The following CARMIL3 variants were observed in gnomAD, a reference collection of about 807,000 sequenced individuals.
The protein encoded by CARMIL3 is capping protein, Arp2/3 and myosin-I linker protein 3.
Under a neutral mutation model 180.8 loss-of-function variants are expected in CARMIL3, and 88 were observed. The ratio of observed to expected loss-of-function variants is 0.49; its 90% CI spans 0.41 to 0.58. The LOEUF (loss-of-function observed/expected upper bound fraction) is 0.58, where lower values mean the gene tolerates loss of function less well. Among genes scored for constraint, CARMIL3 ranks in the 20% least tolerant of loss-of-function variants. CARMIL3 has a pLI of 0.00. For missense variants in CARMIL3, 1,548 were observed against 1,787.0 expected, an observed-to-expected ratio of 0.87 and a Z score of 2.41; for synonymous variants, 696 against 714.5, an observed-to-expected ratio of 0.97 and a Z score of 0.41.
Position 24,068,666 on chromosome 14 carries a change from C to G in CARMIL3, c.3765C>G (p.Leu1255=), listed in dbSNP as rs1244789214. 6.2e-7 allele frequency: 1 copy of G among 1,613,856 alleles called. No homozygotes were observed. Among genetic ancestry groups the G allele is most frequent in the South Asian group, 1.1e-5 (1 of 91,054 alleles). Residue 1255 remains leucine, a synonymous_variant, in exon 37 of 40, where the codon CTC becomes CTG. Transcript: ENST00000342740. ...QDGEEEKEGT[L]FPERTLPARN... ...GGGAAGAGGAGAAGGAGGGGACCCT[C>G]TTCCCAGAGAGGACACTTCCAGCTA... is the stretch of plus-strand genomic sequence containing the variant.
In CARMIL3 at chr14:24,059,737, G is replaced by C. The variant is rs2035712702; in HGVS notation, c.1868+5G>C. On this transcript the variant is annotated splice_donor_5th_base_variant and intron_variant, in intron 22 of 39. Transcript: ENST00000342740. The surrounding 1 kb of genome is among the most constrained non-coding windows in gnomAD (Gnocchi z 6.3). ...CATCGCAAGGGCCCTGGAGAGGTGA[G>C]TAGACCATGGTCCTGCCCTGATCCA... 6.2e-7 allele frequency: 1 copy of C among 1,613,878 alleles called. No individual in the cohort carries two copies. Among genetic ancestry groups the C allele is most frequent in the South Asian group, 1.1e-5 (1 of 91,050 alleles).
intron 32 of CARMIL3, among the ~76,000 whole-genome samples, chr14:24,064,672 T>C (rs1435476821): frequency 1.3e-5 from 2 of 152,096 alleles, no homozygotes; most frequent in Non-Finnish European, 2.9e-5. Flanking sequence ...GTGTTCCCTG[T>C]CACTGTCCTG....
At chr14:24,066,754 A>T in intron 36 of CARMIL3, 98 bp downstream of exon 36, 1 of 1,254,106 alleles carries the variant, frequency 8.0e-7, no homozygotes, top group Non-Finnish European at 1.1e-6. Flanking sequence ...TTTATGGCCA[A>T]GGTGGGGCAG....
At chr14:24,065,591 A>T in intron 33 of CARMIL3, 31 bp from the exon 34 acceptor site, 1 of 1,580,544 alleles carries the variant, frequency 6.3e-7, no homozygotes, top group Non-Finnish European at 8.6e-7. Flanking sequence ...TTCGACTGGG[A>T]ACTGCTAATA....
chr14:24,063,525 CG>C lies in CARMIL3; in HGVS notation c.2972del (p.Arg991HisfsTer42). 1 of 1,610,384 alleles carries C rather than the reference CG, an allele frequency of 6.2e-7. No homozygotes were observed. Among genetic ancestry groups the C allele is most frequent in the Non-Finnish European group, 8.5e-7 (1 of 1,179,054 alleles). ...PPRTTPPGPG[R>X]PSMPAPGTRQ... is the part of the protein sequence containing the mutation. ...CAGGACCACACCTCCAGGACCTGGT[CG>C]ACCCAGTGTGAGTCCCTAAGGCTTC... On this transcript the variant is annotated frameshift_variant, in exon 31 of 40. Transcript: ENST00000342740. LOFTEE classifies it high-confidence loss of function.
In CARMIL3 at chr14:24,054,375, C is replaced by G. The variant is rs762866177; in HGVS notation, c.247-21C>G. The G allele has an allele frequency of 6.2e-7, 1 of 1,613,980 alleles. No homozygotes were observed. The highest frequency in any genetic ancestry group is 1.1e-5 in the South Asian group (1 of 91,072). ...AGCAGAGAGGAGGGAGTCTGAGGCT[C>G]TGACGCTTCGTCTCCCCCAGATCCT... On this transcript the variant is annotated intron_variant, in intron 4 of 39. Coordinates refer to ENST00000342740, the MANE Select transcript of CARMIL3 (RefSeq NM_138360.4). This position sits in a 1 kb window ranked among gnomAD's most constrained non-coding sequence, Gnocchi z 5.1.
At position 24,063,555 on chromosome 14, in the gene CARMIL3, A is replaced by G. The variant is rs747086393; in HGVS notation, c.2979+22A>G. 4.4e-6 allele frequency: 7 copies of G among 1,585,966 alleles called. No homozygotes were observed. The South Asian group carries it at 6.7e-5, about 15-fold the overall frequency. On this transcript the variant is annotated intron_variant, in intron 31 of 39. Coordinates refer to ENST00000342740, the MANE Select transcript of CARMIL3 (RefSeq NM_138360.4). Reference sequence around the variant, plus strand: ...CAGTGTGAGTCCCTAAGGCTTCACAAGAGGATCCCCTTCACTCAGTGACAC... The same window carrying G: ...CAGTGTGAGTCCCTAAGGCTTCACAGGAGGATCCCCTTCACTCAGTGACAC...
chr14:24,065,608 A>T lies in CARMIL3; in HGVS notation c.3397-14A>T, dbSNP rs1349740555. The T allele has an allele frequency of 2.5e-6, 4 of 1,594,900 alleles. No homozygotes were observed. Among genetic ancestry groups the T allele is most frequent in the East Asian group, 2.2e-5 (1 of 44,500 alleles). ...CGACTGGGAACTGCTAATAAATAAG[A>T]GACCTTGTTCTAGGGCACTGAGGGG... On this transcript the variant is annotated splice_polypyrimidine_tract_variant and intron_variant, in intron 33 of 39. Transcript: ENST00000342740.
At position 24,063,541 on chromosome 14, in the gene CARMIL3, C is replaced by T. The variant is rs2035754804; in HGVS notation, c.2979+8C>T. 1 of 1,599,462 alleles carries T rather than the reference C, an allele frequency of 6.3e-7. No homozygotes were observed. The highest frequency in any genetic ancestry group is 1.7e-4 in the Middle Eastern group (1 of 5,986). On this transcript the variant is annotated splice_region_variant and intron_variant, in intron 31 of 39. Transcript: ENST00000342740. ...GGACCTGGTCGACCCAGTGTGAGTC[C>T]CTAAGGCTTCACAAGAGGATCCCCT...
In CARMIL3 at chr14:24,056,303, T is replaced by G. The variant is rs1001745221; in HGVS notation, c.775T>G (p.Phe259Val). Residue 259 changes from phenylalanine to valine, a missense_variant, in exon 11 of 40, where the codon TTT becomes GTT. By Grantham distance (50) the Phe-to-Val change is conservative (BLOSUM62 -1). Around this residue, in one of 4 missense-constraint regions of CARMIL3, gnomAD observed 578 missense variants for 666.5 expected, o/e 0.87. Coordinates refer to ENST00000342740, the MANE Select transcript of CARMIL3 (RefSeq NM_138360.4). ...VLDNAGLKTD[F>V]VQKLAGVFGE... is the part of the protein sequence containing the mutation. ...CCTTCCTCCCCTTCCCTGAAGGGAC[T>G]TTGTCCAGAAGCTGGCCGGGGTGTT... 1 of 1,613,628 alleles carries G rather than the reference T, an allele frequency of 6.2e-7. No individual in the cohort carries two copies. The highest frequency in any genetic ancestry group is 8.5e-7 in the Non-Finnish European group (1 of 1,179,768).
In CARMIL3 at chr14:24,059,120, C is replaced by T. The variant is rs1217425468; in HGVS notation, c.1572-15C>T. The T allele has an allele frequency of 6.3e-7, 1 of 1,594,466 alleles. No individual in the cohort carries two copies. Among genetic ancestry groups the T allele is most frequent in the East Asian group, 2.3e-5 (1 of 43,810 alleles). Reference sequence around the variant, plus strand: ...CAGCCCTTCCCCTCCTACTCTGAGCCCCGCCTCCCTGCAGGACCCTGGAGG... The same window carrying T: ...CAGCCCTTCCCCTCCTACTCTGAGCTCCGCCTCCCTGCAGGACCCTGGAGG... On this transcript the variant is annotated splice_polypyrimidine_tract_variant and intron_variant, in intron 19 of 39. Transcript: ENST00000342740. This position sits in a 1 kb window ranked among gnomAD's most constrained non-coding sequence, Gnocchi z 6.3.
At position 24,061,801 on chromosome 14, in the gene CARMIL3, C is replaced by A; in HGVS notation, c.2480+129C>A. The A allele has an allele frequency of 9.4e-7, 1 of 1,061,454 alleles. No homozygotes were observed. The allele number at this position is 1,061,454 out of a possible 1,614,324, so 65.8% of individuals were successfully genotyped here. A position where few individuals can be genotyped will look rare whatever the true frequency, so the allele number is the denominator to read the frequency against. ...CTCCATTACAAGGATCAATCTTTAA[C>A]CAAGTGCAACCTTGCTATTTAGGGT... On this transcript the variant is annotated intron_variant, in intron 27 of 39. Coordinates refer to ENST00000342740, the MANE Select transcript of CARMIL3 (RefSeq NM_138360.4). This position sits in a 1 kb window ranked among gnomAD's most constrained non-coding sequence, Gnocchi z 4.1.
rs913076128 is a variant in CARMIL3, at chr14:24,069,709, G to C, written c.*305G>C. ...CAGGGACTCTCTCCCCTCTTGTATA[G>C]AATAAAAAAACAAAATCATCGCCTG... On this transcript the variant is annotated 3_prime_UTR_variant, in exon 40 of 40. Coordinates refer to ENST00000342740, the MANE Select transcript of CARMIL3 (RefSeq NM_138360.4). 2 of 416,876 alleles carry C rather than the reference G, an allele frequency of 4.8e-6. No individual in the cohort carries two copies. The highest frequency in any genetic ancestry group is 4.3e-6 in the Non-Finnish European group (1 of 232,792). 25.8% of individuals were successfully genotyped at this position (416,876 alleles called of 1,614,324 possible). A position where few individuals can be genotyped will look rare whatever the true frequency, so the allele number is the denominator to read the frequency against.
chr14:24,054,303 T>C lies in CARMIL3; in HGVS notation c.246+2T>C, dbSNP rs560511951. ...TTCAACACGCTCAGTCAGAATCAGG[T>C]GAGTACCAGGGCTTTGGGCCCCACT... On this transcript the variant is annotated splice_donor_variant, in intron 4 of 39. Transcript: ENST00000342740. LOFTEE classifies it high-confidence loss of function. This position sits in a 1 kb window ranked among gnomAD's most constrained non-coding sequence, Gnocchi z 5.1. 60 of 1,613,970 alleles carry C rather than the reference T, an allele frequency of 3.7e-5. No individual in the cohort carries two copies. The South Asian group carries it at 6.5e-4, about 17-fold the overall frequency.
At chr14:24,062,395 C>T (rs2035740968) in intron 27 of CARMIL3, 85 bp from the exon 28 acceptor site, 2 of 1,271,968 alleles carry the variant, frequency 1.6e-6, no homozygotes, top group South Asian at 1.2e-5. Flanking sequence ...GCCGTTCTCT[C>T]AGGCTTCTGG....
chr14:24,055,241 T>C lies in CARMIL3; in HGVS notation c.536T>C (p.Val179Ala), dbSNP rs1418077429. The change falls in exon 8 of 40, where the codon GTG (valine) becomes GCG (alanine). Residue 179 changes from valine (V) to alanine (A), a missense_variant. Val to Ala is a moderately conservative substitution (Grantham distance 64, BLOSUM62 0). Coordinates refer to ENST00000342740, the MANE Select transcript of CARMIL3 (RefSeq NM_138360.4). ...LHCREEVQWD[V>A]DTIYHAEDNR... ...AGCCAGTTCCACCTCTCCAAGGATG[T>C]GGACACCATCTACCATGCTGAAGAT... The C allele has an allele frequency of 5.0e-6, 8 of 1,614,012 alleles. No homozygotes were observed. The highest frequency in any genetic ancestry group is 3.3e-5 in the Admixed American group (2 of 59,998).
In CARMIL3 at chr14:24,061,924, C is replaced by CA. The variant is rs1566541490; in HGVS notation, c.2480+253dup. The CA allele has an allele frequency of 8.7e-6, 4 of 460,920 alleles. No individual in the cohort carries two copies. In the East Asian group the frequency reaches 1.5e-4, roughly 17 times the overall value. The allele number at this position is 460,920 out of a possible 1,614,324, so 28.6% of individuals were successfully genotyped here. On this transcript the variant is annotated intron_variant, in intron 27 of 39. Coordinates refer to ENST00000342740, the MANE Select transcript of CARMIL3 (RefSeq NM_138360.4). This position sits in a 1 kb window ranked among gnomAD's most constrained non-coding sequence, Gnocchi z 4.1. Reference sequence around the variant, plus strand: ...GTACACACACATACCCACACAAATACACCAGGAATGGGATAGCAGGGCCTC... The same window carrying CA: ...GTACACACACATACCCACACAAATACAACCAGGAATGGGATAGCAGGGCCTC...
chr14:24,069,055 GACAACC>G, intron 38 of CARMIL3, 76 bp from the exon 39 acceptor site: 1 of 1,593,052 alleles, frequency 6.3e-7, no homozygotes, highest in Non-Finnish European at 8.6e-7. Flanking sequence ...TGGAATGAGT[GACAACC>G]AGGAGTCACA....
rs758134576 is a variant in CARMIL3 at position 24,052,104 on chromosome 14, CCGGCGGCGGCGGCGGCTCCT to C, written c.-48_-29del. On this transcript the variant is annotated 5_prime_UTR_variant, in exon 1 of 40. Coordinates refer to ENST00000342740, the MANE Select transcript of CARMIL3 (RefSeq NM_138360.4). ...CGGGTCTAGCATGTGCCGCGGCTCC[CCGGCGGCGGCGGCGGCTCCT>C]CTGCAGCAGCCTCAGCAGCAGCGGC... 1 of 1,522,030 alleles carries C rather than the reference CCGGCGGCGGCGGCGGCTCCT, an allele frequency of 6.6e-7. No individual in the cohort carries two copies. The highest frequency in any genetic ancestry group is 1.2e-5 in the South Asian group (1 of 82,000). The allele number at this position is 1,522,030 out of a possible 1,614,324, so 94.3% of individuals were successfully genotyped here. A position where few individuals can be genotyped will look rare whatever the true frequency, so the allele number is the denominator to read the frequency against.
Sources: allele counts gnomAD v4.1 joint callset (sites outside exome capture counted in the v4.1 genomes callset), GRCh38; gene constraint gnomAD v4.1.1; regional missense constraint gnomAD v4.1.1; non-coding constraint Gnocchi (gnomAD v3.1); transcripts MANE v1.5; gene names NCBI Gene and HGNC (gene_info 2026-07-23, HGNC 2026-07-21).